Variants in PCDHA5 observed in about 807,000 individuals in gnomAD.
PCDHA5 encodes protocadherin alpha 5.
In PCDHA5, 43 loss-of-function variants were observed where a neutral mutation model predicts 61.6. The ratio of observed to expected loss-of-function variants is 0.70; its 90% confidence interval spans 0.55 to 0.90. The LOEUF is 0.90. Ranked by LOEUF, PCDHA5 falls within the 40% of genes least tolerant of loss-of-function variation. The pLI, the probability that PCDHA5 is intolerant of heterozygous loss-of-function variation, is 0.00. For synonymous variants in PCDHA5, 627 were observed against 543.9 expected (o/e 1.15, Z -2.13); for missense variants, 1,298 against 1,222.7 (o/e 1.06, Z -0.92).
At chr5:140,898,511 G>A (rs373963449) in intron 1 of PCDHA5, among the ~76,000 whole-genome samples, 16 of 151,912 alleles carry the variant, frequency 1.1e-4, no homozygotes, top group South Asian at 4.2e-4. Context: ...GATATGCGGC[G>A]TTATTTCTGA....
chr5:140,966,786 G>A (rs1554228650), intron 1 of PCDHA5: 2 of 1,526,000 alleles, frequency 1.3e-6, no homozygotes, highest in Admixed American at 1.9e-5. Context: ...GCGGGCACCA[G>A]ACCTGCGGCG....
intron 1 of PCDHA5, among the ~76,000 whole-genome samples, chr5:140,911,116 C>G (rs1184319768): frequency 6.6e-6 from 1 of 152,142 alleles, no homozygotes; most frequent in Non-Finnish European, 1.5e-5. Flanking sequence ...GAAGCCATCA[C>G]TGTTGCCTCA....
chr5:141,002,135 G>A (rs1265359430), intron 3 of PCDHA5, among the ~76,000 whole-genome samples: 1 of 152,236 alleles, frequency 6.6e-6, no homozygotes, highest in African/African-American at 2.4e-5. Flanking sequence ...AGCCTTTGCC[G>A]GCTGCACTGA....
intron 1 of PCDHA5, chr5:140,842,164 T>A (rs1246524333): frequency 1.3e-5 from 21 of 1,613,778 alleles, no homozygotes; most frequent in Non-Finnish European, 1.6e-5. Context: ...CATATTCTTT[T>A]AATAGCCTTG....
intron 1 of PCDHA5, chr5:140,870,333 C>T (rs564033882): frequency 1.2e-6 from 2 of 1,614,164 alleles, no homozygotes; most frequent in South Asian, 2.2e-5. Flanking sequence ...TGCTGGACAG[C>T]GCCCTGGACC....
intron 1 of PCDHA5, among the ~76,000 whole-genome samples, chr5:140,908,585 G>A (rs782742805): frequency 3.9e-5 from 6 of 152,160 alleles, no homozygotes; most frequent in South Asian, 4.1e-4. Flanking sequence ...AGAGTAGTTA[G>A]CTGCAGAAGA....
At chr5:141,006,181 G>A (rs960173277) in intron 3 of PCDHA5, among the ~76,000 whole-genome samples, 1 of 150,918 alleles carries the variant, frequency 6.6e-6, no homozygotes, top group Non-Finnish European at 1.5e-5. Flanking sequence ...TTTTAAAAGA[G>A]TTTGCTATAT....
intron 2 of PCDHA5, 175 bp downstream of exon 2, chr5:140,979,182 A>C: frequency 2.6e-5 from 24 of 928,990 alleles, no homozygotes; most frequent in Non-Finnish European, 3.1e-5. Context: ...GCAAATGGTC[A>C]GTGCCAGATG....
chr5:140,945,887 A>G (rs1291923718), intron 1 of PCDHA5, among the ~76,000 whole-genome samples: 2 of 152,132 alleles, frequency 1.3e-5, no homozygotes, highest in Admixed American at 1.3e-4. Flanking sequence ...AACAAAGAAA[A>G]CACAGTGGGA....
chr5:140,831,151 A>G (rs1771403401), intron 1 of PCDHA5: 1 of 152,212 alleles, frequency 6.6e-6, no homozygotes, highest in Admixed American at 6.6e-5. Context: ...TTTACTACCG[A>G]TCTAAATAAT....
At chr5:140,910,485 A>G (rs1251216481) in intron 1 of PCDHA5, among the ~76,000 whole-genome samples, 1 of 152,206 alleles carries the variant, frequency 6.6e-6, no homozygotes. Flanking sequence ...TGGCATACAG[A>G]GAAGAGCAAT....
At chr5:140,834,123 CTT>C (rs1476989067) in intron 1 of PCDHA5, 8 of 438,204 alleles carry the variant, frequency 1.8e-5, no homozygotes, top group Admixed American at 7.9e-5. Flanking sequence ...TGAAATAAAA[CTT>C]TTCATCTGAT....
Position 140,871,448 on chromosome 5 carries a change from A to G in PCDHA5, c.2352+47321A>G, listed in dbSNP as rs2053088391. On this transcript the variant is annotated intron_variant, in intron 1 of 3. Transcript: ENST00000529859. ...AGTCTTCCTCTAGGTCTGAATAAAG[A>G]GGAGGAAGGGGAAAGACAGGAGCCA... 2 of 1,609,780 alleles carry G rather than the reference A, an allele frequency of 1.2e-6. No homozygotes were observed. Among genetic ancestry groups the G allele is most frequent in the African/African-American group, 2.7e-5 (2 of 74,984 alleles).
At chr5:140,827,991 T>A (rs1173902795) in intron 1 of PCDHA5, 2 of 1,469,000 alleles carry the variant, frequency 1.4e-6, no homozygotes, top group African/African-American at 1.4e-5. Flanking sequence ...TGTTGAATGA[T>A]GGCGGACGCA....
At chr5:140,967,881 G>A (rs2096193873) in intron 1 of PCDHA5, 2 of 1,614,034 alleles carry the variant, frequency 1.2e-6, no homozygotes, top group Non-Finnish European at 1.7e-6. Context: ...GACCTGTATA[G>A]CCCAGTGCCT....
intron 1 of PCDHA5, among the ~76,000 whole-genome samples, chr5:140,925,287 A>G (rs905857397): frequency 4.7e-4 from 72 of 152,294 alleles, no homozygotes; most frequent in African/African-American, 1.7e-3. Context: ...TGCCTTTCAA[A>G]TGTTTCATTA....
chr5:140,846,178 G>T (rs2150385394), intron 1 of PCDHA5, among the ~76,000 whole-genome samples: 1 of 149,272 alleles, frequency 6.7e-6, no homozygotes, highest in Non-Finnish European at 1.5e-5. Context: ...GCCTGAGTAG[G>T]CGTTTGAGTT....
At chr5:140,864,188 T>C (rs1367092956) in intron 1 of PCDHA5, 1 of 152,142 alleles carries the variant, frequency 6.6e-6, no homozygotes, top group Non-Finnish European at 1.5e-5. Flanking sequence ...TGAATAATGA[T>C]CCTTATGAGA....
intron 1 of PCDHA5, chr5:140,968,608 T>C: frequency 6.2e-7 from 1 of 1,614,242 alleles, no homozygotes; most frequent in South Asian, 1.1e-5. Context: ...ACTCAGACTC[T>C]GGGCAAAATG....
Sources: allele counts gnomAD v4.1 joint callset (sites outside exome capture counted in the v4.1 genomes callset), GRCh38; gene constraint gnomAD v4.1.1; transcripts MANE v1.5; gene names NCBI Gene and HGNC (gene_info 2026-07-23, HGNC 2026-07-21).